TMPRSS9: variants seen among roughly 807,000 people sequenced by gnomAD.
The protein encoded by TMPRSS9 is transmembrane protease serine 9.
TMPRSS9 carries 113 observed loss-of-function variants against 111.4 expected under a neutral mutation model. The observed-to-expected ratio is 1.01, with a 90% CI of 0.87 to 1.19. The LOEUF is 1.19. Ranked by LOEUF, TMPRSS9 falls within the 50% of genes most tolerant of loss-of-function variation. The probability of loss-of-function intolerance (pLI) is 0.00; values close to 1 mark genes in which losing one functional copy is unlikely to be tolerated. For missense variants in TMPRSS9, 1,803 were observed against 1,513.1 expected (o/e 1.19, Z -3.18); for synonymous variants, 805 against 659.1 (o/e 1.22, Z -3.39).
rs566064757 is a variant in TMPRSS9 at position 2,379,779 on chromosome 19, C to G, written c.-25-9982C>G. On this transcript the variant is annotated intron_variant, in intron 1 of 17. Coordinates refer to the TMPRSS9 transcript ENST00000649857. ...CTCTCTTTTCTCTCTTTCTTTCTCT[C>G]TTTCTTTCTTTTCTCTTGCCCATCT... is the stretch of plus-strand genomic sequence containing the variant. Among the ~76,000 whole-genome samples, 617 of 144,246 alleles carry G rather than the reference C, an allele frequency of 4.3e-3. 6 individuals carry two copies. Among genetic ancestry groups the G allele is most frequent in the African/African-American group, 0.017 (598 of 35,706 alleles). The allele number at this position is 144,246 out of a possible 152,430, so 94.6% of individuals were successfully genotyped here.
chr19:2,393,471 G>A (rs1306312331), intron 1 of TMPRSS9, among the ~76,000 whole-genome samples: 1 of 152,080 alleles, frequency 6.6e-6, no homozygotes, highest in Non-Finnish European at 1.5e-5. Context: ...AACAAACTCC[G>A]GACACACCAT....
At chr19:2,401,256 A>G (rs1023070940) in intron 4 of TMPRSS9, among the ~76,000 whole-genome samples, 3 of 151,990 alleles carry the variant, frequency 2.0e-5, no homozygotes, top group Non-Finnish European at 4.4e-5. Flanking sequence ...CCTGGGCGAC[A>G]GAGGGAGACT....
At chr19:2,409,455 T>A (rs984612230) in intron 8 of TMPRSS9, among the ~76,000 whole-genome samples, 5 of 152,118 alleles carry the variant, frequency 3.3e-5, no homozygotes, top group African/African-American at 7.2e-5. Context: ...AAAATTGATC[T>A]TAATGTACTA....
intron 1 of TMPRSS9, among the ~76,000 whole-genome samples, chr19:2,368,781 T>TTTTTTTTTTTTG (rs1970266648): frequency 9.0e-6 from 1 of 110,918 alleles, no homozygotes; most frequent in African/African-American, 4.0e-5. Context: ...CCAGTTTTTT[T>TTTTTTTTTTTTG]TTTTTTTTTT....
At chr19:2,387,074 A>C (rs1042064172), upstream of TMPRSS9, among the ~76,000 whole-genome samples, 2 of 148,160 alleles carry the variant, frequency 1.3e-5, no homozygotes, top group Non-Finnish European at 3.0e-5. Context: ...CAGAAAAATG[A>C]GGCCGGGTGC....
At chr19:2,385,103 C>G (rs1970448339), upstream of TMPRSS9, among the ~76,000 whole-genome samples, 1 of 151,074 alleles carries the variant, frequency 6.6e-6, no homozygotes, top group Admixed American at 6.7e-5. Context: ...CTACCTTGGC[C>G]CATCCATTGG....
intron 9 of TMPRSS9, among the ~76,000 whole-genome samples, chr19:2,412,859 G>C (rs151128246): frequency 6.6e-6 from 1 of 152,102 alleles, no homozygotes; most frequent in Non-Finnish European, 1.5e-5. Flanking sequence ...ACCAGAATCT[G>C]GAGAAAATGC....
chr19:2,420,635 A>C (rs767960787), intron 13 of TMPRSS9, among the ~76,000 whole-genome samples: 35 of 152,172 alleles, frequency 2.3e-4, no homozygotes, highest in Non-Finnish European at 4.9e-4. Flanking sequence ...TTCTGAGTTC[A>C]AATCCTGCTT....
At chr19:2,392,746 G>C (rs4807255) in intron 1 of TMPRSS9, among the ~76,000 whole-genome samples, 50,570 of 152,024 alleles carry the variant, frequency 0.33, 8,949 homozygotes, top group East Asian at 0.61. Context: ...TCTGTGTCTA[G>C]CTCAAGGTTT....
intron 12 of TMPRSS9, 127 bp downstream of exon 13, chr19:2,416,936 A>C: frequency 2.4e-6 from 3 of 1,259,290 alleles, no homozygotes; most frequent in Non-Finnish European, 3.2e-6. Flanking sequence ...TCTGTGGCTG[A>C]TCCCTTTGTC....
upstream of TMPRSS9, among the ~76,000 whole-genome samples, chr19:2,389,343 G>A (rs1030765796): frequency 2.7e-5 from 4 of 150,400 alleles, no homozygotes; most frequent in East Asian, 3.9e-4. Flanking sequence ...CCAAAGTGCT[G>A]GGATTACAGG....
chr19:2,423,685 G>T (rs1971520795), intron 14 of TMPRSS9, among the ~76,000 whole-genome samples: 1 of 152,144 alleles, frequency 6.6e-6, no homozygotes, highest in African/African-American at 2.4e-5. Context: ...CACCGTCTGG[G>T]GAGGGCTTGG....
chr19:2,397,640 G>T (rs1970738314), intron 2 of TMPRSS9, among the ~76,000 whole-genome samples: 1 of 152,124 alleles, frequency 6.6e-6, no homozygotes, highest in African/African-American at 2.4e-5. Flanking sequence ...CTCCAGGCGG[G>T]CACGGTGGGT....
exon 4 of TMPRSS9, chr19:2,399,094 C>T (rs1644629216): frequency 6.2e-7 from 1 of 1,613,596 alleles, no homozygotes; most frequent in African/African-American, 1.3e-5. Flanking sequence ...GAGCCTGGGC[C>T]TGGAGGAGGA....
intron 4 of TMPRSS9, 75 bp from the exon 6 acceptor site, chr19:2,401,900 G>T: frequency 7.2e-7 from 1 of 1,388,772 alleles, no homozygotes; most frequent in South Asian, 1.2e-5. Flanking sequence ...GAGCCACCGC[G>T]CCCGGCCAAT....
intron 1 of TMPRSS9, among the ~76,000 whole-genome samples, chr19:2,395,545 G>A (rs924991844): frequency 3.9e-5 from 6 of 152,090 alleles, no homozygotes; most frequent in African/African-American, 1.4e-4. Context: ...TGGCCAACAT[G>A]GAGAAACCCC....
intron 14 of TMPRSS9, among the ~76,000 whole-genome samples, chr19:2,422,505 C>T (rs761131947): frequency 6.6e-6 from 1 of 152,148 alleles, no homozygotes; most frequent in Non-Finnish European, 1.5e-5. Flanking sequence ...GGCATGAAGC[C>T]GGGAGGCGGA....
At chr19:2,425,566 A>G (rs1189550655) in intron 17 of TMPRSS9, 73 bp downstream of exon 18, 33 of 1,437,754 alleles carry the variant, frequency 2.3e-5, no homozygotes, top group Non-Finnish European at 2.7e-5. Flanking sequence ...GCTGCCACGA[A>G]GCCCACCATC....
chr19:2,410,696 T>C (rs1971077225), intron 9 of TMPRSS9, among the ~76,000 whole-genome samples: 1 of 152,044 alleles, frequency 6.6e-6, no homozygotes, highest in Admixed American at 6.6e-5. Flanking sequence ...TCCCTTCCAG[T>C]GGGCCCCAGG....
Sources: gnomAD v4.1 joint callset for allele counts (sites outside exome capture counted in the v4.1 genomes callset) on GRCh38, gnomAD v4.1.1 for gene constraint, MANE v1.5 for transcripts, NCBI Gene and HGNC (gene_info 2026-07-23, HGNC 2026-07-21) for gene names.